The following LRP5 variants were observed in gnomAD, a reference collection of about 807,000 sequenced individuals.
The protein encoded by LRP5 is LDL receptor related protein 5, also known as low-density lipoprotein receptor-related protein 5.
LRP5 carries 62 observed loss-of-function variants against 154.1 expected under a neutral mutation model. That is an observed-to-expected ratio of 0.40 (90% CI 0.33 to 0.50). LRP5 has a LOEUF of 0.50. Among genes scored for constraint, LRP5 ranks in the 20% least tolerant of loss-of-function variants. The pLI is 0.55. For synonymous variants in LRP5, 966 were observed against 1,011.5 expected, an observed-to-expected ratio of 0.96 and a Z score of 0.85; for missense variants, 1,915 against 2,336.7, an observed-to-expected ratio of 0.82 and a Z score of 3.72.
chr11:68,302,430 A>G, the LRP5 span, among the ~76,000 whole-genome samples: 4 of 151,224 alleles, frequency 2.6e-5, no homozygotes, highest in African/African-American at 9.7e-5. Context: ...GGTTCCACCC[A>G]TGCTTGCGGG....
intron 2 of LRP5, among the ~76,000 whole-genome samples, chr11:68,355,555 C>T (rs1034062178): frequency 3.9e-5 from 6 of 152,164 alleles, no homozygotes; most frequent in East Asian, 1.9e-4. Flanking sequence ...CTCTGGTCTC[C>T]GCTGAGAGTC....
chr11:68,364,134 G>C (rs188951298), intron 4 of LRP5, among the ~76,000 whole-genome samples, 191 bp downstream of exon 4: 6 of 151,948 alleles, frequency 3.9e-5, no homozygotes, highest in South Asian at 2.1e-4. Context: ...CTGCTGCAAT[G>C]GAGGGAGGTG....
intron 5 of LRP5, among the ~76,000 whole-genome samples, chr11:68,370,577 C>T (rs1293978077): frequency 6.6e-6 from 1 of 152,224 alleles, no homozygotes; most frequent in Non-Finnish European, 1.5e-5. Context: ...GATAGCTTTT[C>T]CATTCCAGAG....
At chr11:68,402,285 A>G (rs1041607698) in intron 7 of LRP5, among the ~76,000 whole-genome samples, 2 of 152,160 alleles carry the variant, frequency 1.3e-5, no homozygotes, top group African/African-American at 4.8e-5. Context: ...ACCACGTCCT[A>G]TCTCACGCGG....
intron 1 of LRP5, among the ~76,000 whole-genome samples, chr11:68,326,856 G>A (rs188228742): frequency 3.9e-5 from 6 of 152,356 alleles, no homozygotes; most frequent in African/African-American, 1.4e-4. Context: ...TCATGGTGGG[G>A]AGGGGTCCCC....
intron 1 of LRP5, among the ~76,000 whole-genome samples, chr11:68,341,220 C>T (rs1488046353): frequency 1.3e-5 from 2 of 151,932 alleles, no homozygotes; most frequent in African/African-American, 2.4e-5. Flanking sequence ...CAGTCACCAC[C>T]GTGTTTCTGA....
chr11:68,329,388 G>A (rs1263318584), intron 1 of LRP5, among the ~76,000 whole-genome samples: 2 of 152,214 alleles, frequency 1.3e-5, no homozygotes. Flanking sequence ...CTGAGGCTGG[G>A]AGAGGTCAAT....
rs12294855 is a variant in LRP5 at position 68,332,141 on chromosome 11, C to T, written c.92-15706C>T. Among the ~76,000 whole-genome samples the T allele has an allele frequency of 7.7e-3, 1,173 of 152,250 alleles. 16 individuals carry two copies. Among genetic ancestry groups the T allele is most frequent in the African/African-American group, 0.026 (1,091 of 41,526 alleles). On this transcript the variant is annotated intron_variant, in intron 1 of 22. Coordinates refer to ENST00000294304, the MANE Select transcript of LRP5 (RefSeq NM_002335.4). ...CCTTTTGTCTGCCCCTGAGCTCCTC[C>T]GCTCTTGTGGTCGTTAAGAAAAGCT... is the stretch of plus-strand genomic sequence containing the variant.
At chr11:68,434,502 C>T (rs903815847) in intron 18 of LRP5, among the ~76,000 whole-genome samples, 42 of 152,166 alleles carry the variant, frequency 2.8e-4, no homozygotes, top group African/African-American at 7.2e-4. Context: ...GCCTCAGCCT[C>T]CCGAGTAGCT....
intron 1 of LRP5, among the ~76,000 whole-genome samples, chr11:68,334,570 A>G (rs1330452314): frequency 2.6e-5 from 4 of 152,176 alleles, no homozygotes; most frequent in Non-Finnish European, 5.9e-5. Context: ...TCATAGATGC[A>G]TGTGTGTATA....
intron 1 of LRP5, among the ~76,000 whole-genome samples, chr11:68,332,025 T>C (rs2098603118): frequency 1.3e-5 from 2 of 152,054 alleles, no homozygotes; most frequent in African/African-American, 4.8e-5. Context: ...TAGCACCTGA[T>C]GTACACAGAC....
rs139847357 is a variant in LRP5 at position 68,429,592 on chromosome 11, C to T, written c.3655C>T (p.Arg1219Cys). The T allele has an allele frequency of 2.0e-5, 33 of 1,614,008 alleles. No individual in the cohort carries two copies. The African/African-American group carries it at 2.7e-4, about 13-fold the overall frequency. Residue 1219 changes from arginine (R) to cysteine (C), a missense_variant, in exon 17 of 23, where the codon CGT becomes TGT. By Grantham distance (180) the Arg-to-Cys change is radical (BLOSUM62 -3). Around this residue, in one of 3 missense-constraint regions of LRP5, gnomAD observed 1,094 missense variants for 1,210.1 expected, o/e 0.90. Transcript: ENST00000294304. The part of the protein sequence containing the change: ...LEEFSAHPCA[R>C]DNGGCSHICI... ...CTTTGCAGCAGCCCACCCATGTGCC[C>T]GTGACAATGGTGGCTGCTCCCACAT...
At chr11:68,374,834 G>A (rs184916666) in intron 5 of LRP5, among the ~76,000 whole-genome samples, 489 of 152,304 alleles carry the variant, frequency 3.2e-3, no homozygotes, top group Non-Finnish European at 5.5e-3. Flanking sequence ...GGAGAGGGGC[G>A]CATCATATTC....
intron 1 of LRP5, among the ~76,000 whole-genome samples, chr11:68,328,706 G>A (rs1421673239): frequency 2.0e-5 from 3 of 152,260 alleles, no homozygotes; most frequent in Non-Finnish European, 2.9e-5. Context: ...CCGTGCGTTT[G>A]CTGTGTGGCC....
At chr11:68,415,005 C>T (rs1005430833) in intron 12 of LRP5, among the ~76,000 whole-genome samples, 8 of 152,320 alleles carry the variant, frequency 5.3e-5, no homozygotes, top group South Asian at 4.1e-4. Context: ...TCAGAGTCCC[C>T]GTCCTGTGGC....
chr11:68,423,881 C>T lies in LRP5; in HGVS notation c.3236+184C>T, dbSNP rs1422092183. Among the ~76,000 whole-genome samples, 1 of 152,224 alleles carries T rather than the reference C, an allele frequency of 6.6e-6. No individual in the cohort carries two copies. Among genetic ancestry groups the T allele is most frequent in the African/African-American group, 2.4e-5 (1 of 41,452 alleles). On this transcript the variant is annotated intron_variant, in intron 14 of 22. Coordinates refer to ENST00000294304, the MANE Select transcript of LRP5 (RefSeq NM_002335.4). The surrounding 1 kb of genome is among the most constrained non-coding windows in gnomAD (Gnocchi z 4.7). ...AGCCCCTCCAGGAAAGCAGAAAGCC[C>T]CAAGGGCTGGAAGGGAAGGGGGAGC...
At chr11:68,331,194 T>C (rs972072175) in intron 1 of LRP5, among the ~76,000 whole-genome samples, 1 of 152,176 alleles carries the variant, frequency 6.6e-6, no homozygotes, top group Admixed American at 6.5e-5. Flanking sequence ...AGGTTACGGG[T>C]GAGTCCGGGT....
Position 68,446,456 on chromosome 11 carries a change from C to A in LRP5, c.4509C>A (p.Ser1503=). 6.2e-7 allele frequency: 1 copy of A among 1,613,938 alleles called. No individual in the cohort carries two copies. The highest frequency in any genetic ancestry group is 8.5e-7 in the Non-Finnish European group (1 of 1,179,840). ...CTCAGATCCTGAACCCGCCGCCCTC[C>A]CCGGCCACGGACCCCTCCCTGTACA... ...LYPPILNPPP[S]PATDPSLYNM... is the part of the protein sequence containing the mutation. Residue 1503 remains serine (S), a synonymous_variant, in exon 22 of 23, where the codon TCC becomes TCA. Coordinates refer to ENST00000294304, the MANE Select transcript of LRP5 (RefSeq NM_002335.4).
chr11:68,410,175 C>T, intron 10 of LRP5, 35 bp downstream of exon 10: 2 of 1,569,662 alleles, frequency 1.3e-6, no homozygotes, highest in Non-Finnish European at 1.7e-6. Context: ...TCCTTGTGTT[C>T]ACCTCGTATG....
Sources: allele counts gnomAD v4.1 joint callset (sites outside exome capture counted in the v4.1 genomes callset), GRCh38; gene constraint gnomAD v4.1.1; regional missense constraint gnomAD v4.1.1; non-coding constraint Gnocchi (gnomAD v3.1); transcripts MANE v1.5; gene names NCBI Gene and HGNC (gene_info 2026-07-23, HGNC 2026-07-21).